The following KANK4 variants were observed in gnomAD, a reference collection of about 807,000 sequenced individuals.
The protein encoded by KANK4 is KN motif and ankyrin repeat domains 4, also known as KN motif and ankyrin repeat domain-containing protein 4.
KANK4 carries 50 observed loss-of-function variants against 80.8 expected under a neutral mutation model. That is an observed-to-expected ratio of 0.62 (90% CI 0.49 to 0.78). The LOEUF (loss-of-function observed/expected upper bound fraction) is 0.78, where lower values mean the gene tolerates loss of function less well. Ranked by LOEUF, KANK4 falls within the 30% of genes least tolerant of loss-of-function variation. The pLI is 0.00. For missense variants in KANK4, 1,196 were observed against 1,240.1 expected (o/e 0.96, Z 0.53); for synonymous variants, 465 against 506.9 (o/e 0.92, Z 1.11).
intron 1 of KANK4, among the ~76,000 whole-genome samples, chr1:62,305,133 C>T (rs957676704): frequency 5.9e-5 from 9 of 152,174 alleles, no homozygotes; most frequent in East Asian, 1.9e-4. Context: ...ACCTTTCCTA[C>T]GGCAGGAGGG....
At chr1:62,269,491 T>A (rs968401231) in intron 4 of KANK4, among the ~76,000 whole-genome samples, 1 of 152,232 alleles carries the variant, frequency 6.6e-6, no homozygotes, top group African/African-American at 2.4e-5. Flanking sequence ...CCCCAGACAT[T>A]TCTTCCTCTA....
intron 1 of KANK4, among the ~76,000 whole-genome samples, chr1:62,285,758 T>G (rs1435617002): frequency 6.6e-6 from 1 of 152,024 alleles, no homozygotes; most frequent in African/African-American, 2.4e-5. Context: ...GCATGATCCC[T>G]TGCAAAGACA....
chr1:62,244,129 G>A lies in KANK4; in HGVS notation c.2883+3343C>T, dbSNP rs535906070. Among the ~76,000 whole-genome samples the A allele has an allele frequency of 5.3e-5, 8 of 151,964 alleles. No individual in the cohort carries two copies. The East Asian group carries it at 1.3e-3, about 26-fold the overall frequency. ...AGCATCTAGAGGCCCAGAATACTTA[G>A]GTCACCTACCCAAAGGAACCTACCC... On this transcript the variant is annotated intron_variant, in intron 9 of 9. Transcript: ENST00000371153.
intron 1 of KANK4, among the ~76,000 whole-genome samples, chr1:62,315,992 A>C (rs1008194964): frequency 1.3e-5 from 2 of 152,212 alleles, no homozygotes; most frequent in South Asian, 2.1e-4. Context: ...TGAATTCCTG[A>C]ATCAATGAAA....
chr1:62,263,823 C>G (rs554477783), intron 6 of KANK4, among the ~76,000 whole-genome samples: 4 of 152,172 alleles, frequency 2.6e-5, no homozygotes, highest in Non-Finnish European at 5.9e-5. Flanking sequence ...GAAATAAAAC[C>G]CAAACAGGTG....
Position 62,238,296 on chromosome 1 carries a change from C to T in KANK4, c.2969G>A (p.Gly990Asp), listed in dbSNP as rs1223291651. 5.6e-6 allele frequency: 9 copies of T among 1,613,788 alleles called. No homozygotes were observed. In the South Asian group the frequency reaches 7.7e-5, roughly 14 times the overall value. Residue 990 changes from glycine (G) to aspartate (D), a missense_variant, in exon 10 of 10, where the codon GGC (glycine) becomes GAC (aspartate). Physicochemically the swap from Gly to Asp is moderately conservative, Grantham distance 94 (BLOSUM62 -1). This residue lies in a region of KANK4 where 1,154 missense variants were observed against 1,179.6 expected (regional missense o/e 0.98). Coordinates refer to ENST00000371153, the MANE Select transcript of KANK4 (RefSeq NM_181712.5). ...CAGCCCCTACAGCCCCAGGGACCTG[C>T]CCTGCTCCGCGTGGGCTCTCAGAAG... ...AGLLRAHAEQ[G>D]RSLGL
intron 9 of KANK4, among the ~76,000 whole-genome samples, chr1:62,244,259 G>T (rs889001331): frequency 1.3e-5 from 2 of 151,028 alleles, no homozygotes; most frequent in Non-Finnish European, 2.9e-5. Flanking sequence ...TTCCTGGTAT[G>T]ATCACGGCTC....
rs1672369210 is a variant in KANK4 at position 62,278,384 on chromosome 1, TCTTTCTTTCTTTC to T, written c.16+3152_16+3164del. On this transcript the variant is annotated intron_variant, in intron 2 of 9. Coordinates refer to ENST00000371153, the MANE Select transcript of KANK4 (RefSeq NM_181712.5). ...TCCTTCCTTCCTTCCTTCCTTTCTT[TCTTTCTTTCTTTC>T]TTTTTTTTTTTTGAGATGGAATTTC... Among the ~76,000 whole-genome samples the T allele has an allele frequency of 4.6e-5, 2 of 43,258 alleles. 1 individual carries two copies. The highest frequency in any genetic ancestry group is 7.2e-5 in the Non-Finnish European group (2 of 27,608). The allele number at this position is 43,258 out of a possible 152,430, so 28.4% of individuals were successfully genotyped here.
chr1:62,309,862 G>T (rs963654267), intron 1 of KANK4, among the ~76,000 whole-genome samples: 9 of 152,198 alleles, frequency 5.9e-5, no homozygotes, highest in African/African-American at 2.2e-4. Flanking sequence ...TGGTTCAAAA[G>T]CGGGGAATTT....
chr1:62,274,271 G>A lies in KANK4; in HGVS notation c.833C>T (p.Thr278Ile). The A allele has an allele frequency of 6.2e-7, 1 of 1,614,048 alleles. No homozygotes were observed. ...HNAREAEVLF[T>I]PGSPTPSPPP... is the part of the protein sequence containing the mutation. Reference sequence around the variant, plus strand: ...CGGGCTTGGCGTAGGGGAGCCAGGGGTGAACAACACCTCTGCTTCTCTGGC... The same window carrying A: ...CGGGCTTGGCGTAGGGGAGCCAGGGATGAACAACACCTCTGCTTCTCTGGC... The change falls in exon 3 of 10, where the codon ACC becomes ATC. Residue 278 changes from threonine (T) to isoleucine (I), a missense_variant. Around this residue, in one of 3 missense-constraint regions of KANK4, gnomAD observed 1,154 missense variants for 1,179.6 expected, o/e 0.98. Coordinates refer to ENST00000371153, the MANE Select transcript of KANK4 (RefSeq NM_181712.5).
chr1:62,249,635 C>A (rs958172327), intron 8 of KANK4, among the ~76,000 whole-genome samples: 3 of 150,800 alleles, frequency 2.0e-5, no homozygotes, highest in South Asian at 4.2e-4. Flanking sequence ...CTCTGCCTCA[C>A]GGGTTCAAGC....
chr1:62,298,802 G>C (rs1321295531), intron 1 of KANK4, among the ~76,000 whole-genome samples: 1 of 152,218 alleles, frequency 6.6e-6, no homozygotes, highest in Non-Finnish European at 1.5e-5. Context: ...GAAGAAACTG[G>C]TAAGTGCCCA....
At chr1:62,276,831 A>G (rs1483757212) in intron 2 of KANK4, among the ~76,000 whole-genome samples, 3 of 151,934 alleles carry the variant, frequency 2.0e-5, no homozygotes, top group Non-Finnish European at 4.4e-5. Flanking sequence ...ATTTTGGACA[A>G]TGCCTCACAC....
At chr1:62,277,931 A>G (rs1465222517) in intron 2 of KANK4, among the ~76,000 whole-genome samples, 2 of 152,228 alleles carry the variant, frequency 1.3e-5, no homozygotes, top group South Asian at 2.1e-4. Flanking sequence ...GAATGTGCAA[A>G]GGGATGGAGG....
chr1:62,247,072 T>A (rs975186083), intron 9 of KANK4, among the ~76,000 whole-genome samples: 4 of 140,706 alleles, frequency 2.8e-5, no homozygotes, highest in Non-Finnish European at 6.2e-5. Context: ...TTTTTTTTTT[T>A]AAGAGACAGG....
rs560180749 is a variant in KANK4, at chr1:62,247,083, G to T, written c.2883+389C>A. Among the ~76,000 whole-genome samples the T allele has an allele frequency of 4.4e-3, 656 of 148,988 alleles. 5 individuals carry two copies. The highest frequency in any genetic ancestry group is 0.014 in the African/African-American group (586 of 40,620). ...GCTATTTTTTTTTTTAAGAGACAGG[G>T]TCTCACTGTGTTGCCCAGGCTGGTC... On this transcript the variant is annotated intron_variant, in intron 9 of 9. Transcript: ENST00000371153.
At position 62,273,268 on chromosome 1, in the gene KANK4, C is replaced by A. The variant is rs1008296046; in HGVS notation, c.1836G>T (p.Ser612=). Residue 612 remains serine (S), a synonymous_variant, in exon 3 of 10, where the codon TCG becomes TCT. Coordinates refer to ENST00000371153, the MANE Select transcript of KANK4 (RefSeq NM_181712.5). ...QLLSSLNLLL[S]AYSAQAHPPK... Reference sequence around the variant, plus strand: ...GTGGGTGAGCCTGGGCCGAGTAGGCCGACAGCAGCAGGTTGAGGGAGCTCA... The same window carrying A: ...GTGGGTGAGCCTGGGCCGAGTAGGCAGACAGCAGCAGGTTGAGGGAGCTCA... 2 of 1,559,466 alleles carry A rather than the reference C, an allele frequency of 1.3e-6. No homozygotes were observed. Among genetic ancestry groups the A allele is most frequent in the Non-Finnish European group, 8.7e-7 (1 of 1,151,620 alleles).
At chr1:62,272,474 G>A (rs951885671) in intron 3 of KANK4, 4 of 152,398 alleles carry the variant, frequency 2.6e-5, no homozygotes, top group Admixed American at 1.3e-4. Flanking sequence ...CCCAGGAAGA[G>A]GTCTGGAGTC....
chr1:62,245,783 T>A (rs2149117031), intron 9 of KANK4, among the ~76,000 whole-genome samples: 1 of 152,240 alleles, frequency 6.6e-6, no homozygotes, highest in African/African-American at 2.4e-5. Context: ...TCTAGAAATA[T>A]TATTATATCT....
Sources: allele counts gnomAD v4.1 joint callset (sites outside exome capture counted in the v4.1 genomes callset), GRCh38; gene constraint gnomAD v4.1.1; regional missense constraint gnomAD v4.1.1; transcripts MANE v1.5; gene names NCBI Gene and HGNC (gene_info 2026-07-23, HGNC 2026-07-21).